CADM2: variants seen among roughly 807,000 people sequenced by gnomAD.
CADM2 encodes the protein cell adhesion molecule 2, also known as immunoglobulin superfamily member 4D.
Under a neutral mutation model 49.8 loss-of-function variants are expected in CADM2, and 12 were observed. That is an observed-to-expected ratio of 0.24 (90% CI 0.15 to 0.39). CADM2 has a LOEUF of 0.39. Among genes scored for constraint, CADM2 ranks in the 10% least tolerant of loss-of-function variants. The pLI, the probability that CADM2 is intolerant of heterozygous loss-of-function variation, is 1.00. For synonymous variants in CADM2, 214 were observed against 175.4 expected, an observed-to-expected ratio of 1.22 and a Z score of -1.74; for missense variants, 378 against 492.3, an observed-to-expected ratio of 0.77 and a Z score of 2.20.
rs57465089 is a variant in CADM2 at position 84,974,942 on chromosome 3, T to G, written c.61+15274T>G. The stretch of plus-strand genomic sequence containing the variant: ...AACATTTTTGTACAGTTTGGGTTGA[T>G]TTAGTGTAAAATGCTGCAAATATGT... On this transcript the variant is annotated intron_variant, in intron 1 of 9. Transcript: ENST00000383699. 1.0e-2 allele frequency among the ~76,000 whole-genome samples: 1,517 copies of G among 152,010 alleles called. 37 individuals are homozygous for G. Among genetic ancestry groups the G allele is most frequent in the African/African-American group, 0.034 (1,405 of 41,542 alleles).
chr3:85,495,016 T>C (rs1337210460), intron 1 of CADM2, among the ~76,000 whole-genome samples: 2 of 152,244 alleles, frequency 1.3e-5, no homozygotes, highest in East Asian at 3.8e-4. Flanking sequence ...GTGCATTTTT[T>C]CTAACACCTC....
At chr3:85,384,671 A>ATG (rs372405205) in intron 1 of CADM2, among the ~76,000 whole-genome samples, 11,425 of 148,562 alleles carry the variant, frequency 0.077, 1,330 homozygotes, top group African/African-American at 0.26. Context: ...GTCAAAAAAA[A>ATG]TGTGTGTGTG....
chr3:84,961,696 A>G (rs1400026803), intron 1 of CADM2, among the ~76,000 whole-genome samples: 2 of 151,818 alleles, frequency 1.3e-5, no homozygotes, highest in Non-Finnish European at 2.9e-5. Context: ...GGAATCAGTT[A>G]ATTTGGTGAT....
chr3:85,297,536 G>A (rs866016287), intron 1 of CADM2, among the ~76,000 whole-genome samples: 2 of 151,986 alleles, frequency 1.3e-5, no homozygotes, highest in South Asian at 4.1e-4. Flanking sequence ...ACTGGACAGG[G>A]TACTGGGGTC....
intron 1 of CADM2, among the ~76,000 whole-genome samples, chr3:85,000,455 A>C (rs1188590707): frequency 1.4e-5 from 2 of 138,322 alleles, no homozygotes; most frequent in South Asian, 2.3e-4. Context: ...ACAAAAAAAA[A>C]CAGTCTTTTA....
chr3:85,965,975 C>T (rs531982432), intron 8 of CADM2, among the ~76,000 whole-genome samples: 5 of 151,746 alleles, frequency 3.3e-5, no homozygotes, highest in South Asian at 4.1e-4. Flanking sequence ...AAGTGAGAAA[C>T]GCAAATTACC....
intron 1 of CADM2, among the ~76,000 whole-genome samples, chr3:85,397,660 A>G (rs780359371): frequency 4.6e-5 from 7 of 152,206 alleles, no homozygotes; most frequent in Admixed American, 1.3e-4. Context: ...AATCACTTAC[A>G]TGAGTTATCT....
intron 1 of CADM2, among the ~76,000 whole-genome samples, chr3:85,508,190 T>A (rs536807830): frequency 6.6e-6 from 1 of 152,200 alleles, no homozygotes; most frequent in Non-Finnish European, 1.5e-5. Flanking sequence ...TATTGTTTTC[T>A]GTATTATATC....
chr3:85,040,431 T>C (rs780546058), intron 1 of CADM2, among the ~76,000 whole-genome samples: 9 of 152,120 alleles, frequency 5.9e-5, no homozygotes, highest in Non-Finnish European at 1.2e-4. Context: ...ACTGAAGTGA[T>C]AGAAACTCAT....
chr3:85,950,292 A>G (rs953973728), intron 7 of CADM2, among the ~76,000 whole-genome samples: 1 of 151,196 alleles, frequency 6.6e-6, no homozygotes, highest in African/African-American at 2.4e-5. Context: ...GGCATGGGTA[A>G]TTGTTTTGCT....
chr3:85,751,888 A>G (rs763420312), intron 2 of CADM2, among the ~76,000 whole-genome samples: 7 of 152,138 alleles, frequency 4.6e-5, no homozygotes, highest in Non-Finnish European at 1.0e-4. Flanking sequence ...CATTAGGTAA[A>G]TGTCTCTTCT....
At chr3:85,927,565 C>T (rs1720036070) in intron 6 of CADM2, among the ~76,000 whole-genome samples, 1 of 152,114 alleles carries the variant, frequency 6.6e-6, no homozygotes, top group Admixed American at 6.5e-5. Context: ...CTCATAGGAA[C>T]TAATTTTGTG....
chr3:85,726,229 G>A (rs1216354629), intron 1 of CADM2, among the ~76,000 whole-genome samples: 1 of 151,892 alleles, frequency 6.6e-6, no homozygotes, highest in Non-Finnish European at 1.5e-5. Context: ...AAAATTTAGA[G>A]TTAAGAAGAA....
intron 1 of CADM2, among the ~76,000 whole-genome samples, chr3:85,422,178 AG>A (rs2036202209): frequency 3.2e-5 from 1 of 30,854 alleles, no homozygotes; most frequent in Non-Finnish European, 1.0e-4. Flanking sequence ...TTTTAATAAC[AG>A]TCGTTAATAT....
At chr3:85,686,662 G>A (rs2066226005) in intron 1 of CADM2, among the ~76,000 whole-genome samples, 1 of 151,926 alleles carries the variant, frequency 6.6e-6, no homozygotes, top group Admixed American at 6.6e-5. Flanking sequence ...AAATATCTTG[G>A]GGCCCTAAAA....
intron 1 of CADM2, among the ~76,000 whole-genome samples, chr3:85,469,607 A>T (rs1401843140): frequency 6.6e-6 from 1 of 152,212 alleles, no homozygotes; most frequent in Non-Finnish European, 1.5e-5. Flanking sequence ...ATACAATTTA[A>T]GTTAAGAAAA....
intron 2 of CADM2, among the ~76,000 whole-genome samples, chr3:85,737,011 G>T (rs1273087272): frequency 6.6e-6 from 1 of 152,098 alleles, no homozygotes. Context: ...TTAAATAAGT[G>T]CCCTTAAATA....
Position 85,992,858 on chromosome 3 carries a change from A to T in CADM2, c.970+31211A>T, listed in dbSNP as rs540170837. The T allele has an allele frequency of 2.0e-5, 3 of 152,320 alleles. No individual in the cohort carries two copies. The East Asian group carries it at 5.8e-4, about 29-fold the overall frequency. The allele number at this position is 152,320 out of a possible 1,614,324, so 9.4% of individuals were successfully genotyped here. A position where few individuals can be genotyped will look rare whatever the true frequency, so the allele number is the denominator to read the frequency against. On this transcript the variant is annotated intron_variant, in intron 8 of 9. Transcript: ENST00000383699. ...AGTGGTAAGGCAATTTCTTAAAATA[A>T]AACAACAATAAGGTTTGACACATTG...
chr3:85,663,946 A>G (rs945581356), intron 1 of CADM2, among the ~76,000 whole-genome samples: 3 of 152,030 alleles, frequency 2.0e-5, no homozygotes, highest in African/African-American at 4.8e-5. Flanking sequence ...TGGTCAATTT[A>G]GAATTTTCGT....
Sources: allele counts gnomAD v4.1 joint callset (sites outside exome capture counted in the v4.1 genomes callset), GRCh38; gene constraint gnomAD v4.1.1; transcripts MANE v1.5; gene names NCBI Gene and HGNC (gene_info 2026-07-23, HGNC 2026-07-21).